SHANK2: variants seen among roughly 807,000 people sequenced by gnomAD.
SHANK2 encodes the protein SH3 and multiple ankyrin repeat domains 2.
SHANK2 carries 43 observed loss-of-function variants against 133.7 expected under a neutral mutation model. That is an observed-to-expected ratio of 0.32 (90% CI 0.25 to 0.41). The LOEUF is 0.41. Among genes scored for constraint, SHANK2 ranks in the 10% least tolerant of loss-of-function variants. SHANK2 has a pLI of 1.00. For synonymous variants in SHANK2, 1,017 were observed against 952.8 expected (o/e 1.07, Z -1.24); for missense variants, 1,994 against 2,235.8 (o/e 0.89, Z 2.18).
At chr11:70,719,232 A>G (rs1272700402) in intron 14 of SHANK2, among the ~76,000 whole-genome samples, 2 of 152,210 alleles carry the variant, frequency 1.3e-5, no homozygotes, top group East Asian at 1.9e-4. Context: ...TGACGGTTCA[A>G]ATAGACACTT....
At chr11:70,612,214 G>T (rs1191196600) in intron 17 of SHANK2, among the ~76,000 whole-genome samples, 1 of 152,140 alleles carries the variant, frequency 6.6e-6, no homozygotes, top group Non-Finnish European at 1.5e-5. Flanking sequence ...TTTTGAAGGC[G>T]TCCTGCTGCT....
intron 17 of SHANK2, among the ~76,000 whole-genome samples, chr11:70,509,774 T>C (rs376911534): frequency 3.3e-5 from 5 of 152,160 alleles, no homozygotes; most frequent in Admixed American, 1.3e-4. Flanking sequence ...TTAGTGCCCT[T>C]ATAAAAGGGA....
chr11:70,746,824 G>A (rs1367305085), intron 14 of SHANK2, among the ~76,000 whole-genome samples: 1 of 151,934 alleles, frequency 6.6e-6, no homozygotes, highest in Non-Finnish European at 1.5e-5. Context: ...ACTGGGGGAG[G>A]GCTCTGCCCT....
At chr11:71,099,891 A>G (rs1262987008) in intron 6 of SHANK2, among the ~76,000 whole-genome samples, 1 of 152,104 alleles carries the variant, frequency 6.6e-6, no homozygotes, top group African/African-American at 2.4e-5. Context: ...TCTACTAAAA[A>G]TTTAAAAATT....
At chr11:70,576,965 G>A (rs557740666) in intron 17 of SHANK2, among the ~76,000 whole-genome samples, 9 of 152,282 alleles carry the variant, frequency 5.9e-5, no homozygotes, top group South Asian at 2.1e-4. Flanking sequence ...TGAGTATCAC[G>A]CAGTTAGCGG....
At chr11:71,069,608 C>A (rs1045359127) in intron 9 of SHANK2, among the ~76,000 whole-genome samples, 8 of 152,212 alleles carry the variant, frequency 5.3e-5, no homozygotes, top group African/African-American at 1.9e-4. Flanking sequence ...CTATTTTTAG[C>A]CTCTTAGCAA....
intron 15 of SHANK2, among the ~76,000 whole-genome samples, chr11:70,664,825 C>A (rs545322740): frequency 6.6e-5 from 10 of 152,206 alleles, no homozygotes; most frequent in Non-Finnish European, 1.5e-4. Flanking sequence ...TGGCATCACA[C>A]GGAGCGTGGT....
At chr11:70,594,536 A>G (rs2060371922) in intron 17 of SHANK2, among the ~76,000 whole-genome samples, 1 of 152,162 alleles carries the variant, frequency 6.6e-6, no homozygotes, top group African/African-American at 2.4e-5. Context: ...TCAACAGTAT[A>G]TGAAAAGCCT....
At chr11:70,870,597 G>A (rs1555069999) in intron 11 of SHANK2, among the ~76,000 whole-genome samples, 1 of 152,076 alleles carries the variant, frequency 6.6e-6, no homozygotes, top group African/African-American at 2.4e-5. Context: ...TGGCAGTGGG[G>A]GGGTTCACAC....
intron 17 of SHANK2, among the ~76,000 whole-genome samples, chr11:70,570,214 C>T (rs1188944147): frequency 6.6e-6 from 1 of 152,224 alleles, no homozygotes; most frequent in African/African-American, 2.4e-5. Context: ...CGCCGACCCG[C>T]AGGAGTCCTG....
chr11:71,244,125 AAGCCTGCCTC>A (rs1565533987), intron 1 of SHANK2, among the ~76,000 whole-genome samples: 1 of 152,200 alleles, frequency 6.6e-6, no homozygotes, highest in African/African-American at 2.4e-5. Context: ...CTACACTTGC[AAGCCTGCCTC>A]ACTCTATAAA....
At chr11:70,944,281 C>A (rs1164802570) in intron 10 of SHANK2, among the ~76,000 whole-genome samples, 4 of 152,222 alleles carry the variant, frequency 2.6e-5, no homozygotes, top group Non-Finnish European at 5.9e-5. Context: ...CCAGAGCCAT[C>A]CACCCTCCTG....
chr11:70,583,560 G>GA (rs1405944145), intron 17 of SHANK2, among the ~76,000 whole-genome samples: 1 of 152,184 alleles, frequency 6.6e-6, no homozygotes, highest in African/African-American at 2.4e-5. Flanking sequence ...GCAGTGCCAG[G>GA]AAAGCGCAGC....
intron 10 of SHANK2, among the ~76,000 whole-genome samples, chr11:70,931,009 A>T (rs1195390304): frequency 6.6e-6 from 1 of 152,160 alleles, no homozygotes; most frequent in Non-Finnish European, 1.5e-5. Flanking sequence ...CCATCAATGG[A>T]TAAATGGATG....
At chr11:70,897,228 G>A (rs1555075878) in intron 10 of SHANK2, among the ~76,000 whole-genome samples, 1 of 152,188 alleles carries the variant, frequency 6.6e-6, no homozygotes, top group East Asian at 1.9e-4. Context: ...AGACCCATAA[G>A]GAAGGCCAGG....
intron 17 of SHANK2, among the ~76,000 whole-genome samples, chr11:70,600,350 C>T (rs564804915): frequency 2.0e-4 from 26 of 132,790 alleles, no homozygotes; most frequent in Non-Finnish European, 2.9e-4. Flanking sequence ...ACCTGGGAGG[C>T]GGAGGTGTCA....
chr11:70,489,388 A>C lies in SHANK2; in HGVS notation c.2552-40T>G, dbSNP rs1297536641. The C allele has an allele frequency of 6.2e-6, 10 of 1,608,588 alleles. No homozygotes were observed. In the Admixed American group the frequency reaches 6.7e-5, roughly 11 times the overall value. Reference sequence around the variant, plus strand: ...TCAGTTGTTATTAACCAGTAACCGCAAGACAAATACGCAGCTTTCCCTGAG... The same window carrying C: ...TCAGTTGTTATTAACCAGTAACCGCCAGACAAATACGCAGCTTTCCCTGAG... On this transcript the variant is annotated intron_variant, in intron 23 of 25. Transcript: ENST00000601538.
At chr11:70,865,209 A>G (rs1473737281) in intron 11 of SHANK2, 1 of 152,098 alleles carries the variant, frequency 6.6e-6, no homozygotes. Context: ...AGGGGTCCTT[A>G]TGATACCCGT....
chr11:70,926,187 C>T (rs1446300021), intron 10 of SHANK2, among the ~76,000 whole-genome samples: 1 of 151,740 alleles, frequency 6.6e-6, no homozygotes, highest in Non-Finnish European at 1.5e-5. Flanking sequence ...GCTGGCAGAT[C>T]CCTTGAGCTC....
Sources: gnomAD v4.1 joint callset for allele counts (sites outside exome capture counted in the v4.1 genomes callset) on GRCh38, gnomAD v4.1.1 for gene constraint, MANE v1.5 for transcripts, NCBI Gene and HGNC (gene_info 2026-07-23, HGNC 2026-07-21) for gene names.